The following RARB variants were observed in gnomAD, a reference collection of about 807,000 sequenced individuals.
RARB encodes HBV-activated protein.
In RARB, 17 loss-of-function variants were observed where a neutral mutation model predicts 51.9. That is an observed-to-expected ratio of 0.33 (90% CI 0.22 to 0.49). The LOEUF (loss-of-function observed/expected upper bound fraction) is 0.49. Ranked by LOEUF, RARB falls within the 20% of genes least tolerant of loss-of-function variation. The probability of loss-of-function intolerance (pLI) is 0.99; values close to 1 mark genes in which losing one functional copy is unlikely to be tolerated. For synonymous variants in RARB, 215 were observed against 195.4 expected (o/e 1.10, Z -0.84); for missense variants, 369 against 550.8 (o/e 0.67, Z 3.30).
chr3:25,267,425 G>T (rs571246748), intron 5 of RARB, among the ~76,000 whole-genome samples: 2 of 152,072 alleles, frequency 1.3e-5, no homozygotes, highest in Non-Finnish European at 2.9e-5. Flanking sequence ...TCACATTACC[G>T]CTGCCTATTC....
In RARB at chr3:25,231,452, G is replaced by A. The variant is rs145889152; in HGVS notation, c.178+56877G>A. ...AATCCTTATAGACCTTTAGCTTTATGTTCTCACAGCCAAGCAATACTCTTT... is the reference window on the plus strand; with the variant it reads ...AATCCTTATAGACCTTTAGCTTTATATTCTCACAGCCAAGCAATACTCTTT... On this transcript the variant is annotated intron_variant, in intron 5 of 11. Coordinates refer to the RARB transcript ENST00000383772. 5.7e-3 allele frequency among the ~76,000 whole-genome samples: 865 copies of A among 152,186 alleles called. 3 individuals carry two copies. Among genetic ancestry groups the A allele is most frequent in the Non-Finnish European group, 9.3e-3 (633 of 67,990 alleles).
At chr3:25,585,539 C>A (rs1701349795) in intron 5 of RARB, among the ~76,000 whole-genome samples, 1 of 152,172 alleles carries the variant, frequency 6.6e-6, no homozygotes, top group African/African-American at 2.4e-5. Context: ...GGGAACACAG[C>A]AAGGGATAAT....
At chr3:25,148,519 AG>A (rs2125340378) in intron 4 of RARB, among the ~76,000 whole-genome samples, 1 of 152,318 alleles carries the variant, frequency 6.6e-6, no homozygotes, top group South Asian at 2.1e-4. Flanking sequence ...TTTGATTTAC[AG>A]GGGCCATTTC....
intron 2 of RARB, among the ~76,000 whole-genome samples, chr3:24,983,173 T>C (rs1206596476): frequency 6.6e-6 from 1 of 152,170 alleles, no homozygotes. Flanking sequence ...GTCACACTCC[T>C]GGTGATATTG....
intron 3 of RARB, among the ~76,000 whole-genome samples, chr3:25,530,813 G>A (rs949665593): frequency 5.3e-5 from 8 of 152,136 alleles, no homozygotes; most frequent in African/African-American, 1.4e-4. Context: ...AGTGGGATGG[G>A]GGAGGCATTA....
chr3:25,192,453 A>C (rs536234115), intron 5 of RARB, among the ~76,000 whole-genome samples: 1 of 152,244 alleles, frequency 6.6e-6, no homozygotes, highest in East Asian at 1.9e-4. Flanking sequence ...AGACACTATA[A>C]GTGAACTTTT....
intron 2 of RARB, among the ~76,000 whole-genome samples, chr3:24,889,275 C>G (rs1341710345): frequency 1.3e-5 from 2 of 152,096 alleles, no homozygotes; most frequent in African/African-American, 4.8e-5. Context: ...ACTAAGTCAT[C>G]CTGGGGCAGC....
intron 2 of RARB, among the ~76,000 whole-genome samples, chr3:24,868,275 T>C (rs948062082): frequency 6.6e-6 from 1 of 152,122 alleles, no homozygotes; most frequent in Non-Finnish European, 1.5e-5. Flanking sequence ...ATTAATGTAA[T>C]ACACAACAAG....
At chr3:25,003,194 C>CAAA (rs565249387) in intron 2 of RARB, among the ~76,000 whole-genome samples, 1 of 89,512 alleles carries the variant, frequency 1.1e-5, no homozygotes, top group African/African-American at 4.1e-5. Context: ...GATCATAATG[C>CAAA]AAAAAAAAAA....
chr3:25,332,755 A>G (rs1396148035), intron 5 of RARB, among the ~76,000 whole-genome samples: 2 of 152,230 alleles, frequency 1.3e-5, no homozygotes, highest in East Asian at 1.9e-4. Context: ...TGCAGATGAC[A>G]TGATTGTATA....
At chr3:24,976,337 A>G (rs1696511712) in intron 2 of RARB, among the ~76,000 whole-genome samples, 1 of 152,206 alleles carries the variant, frequency 6.6e-6, no homozygotes, top group Non-Finnish European at 1.5e-5. Context: ...TCCTTGAGGA[A>G]TCACCACACT....
At chr3:25,494,792 C>T (rs1479528909) in intron 2 of RARB, among the ~76,000 whole-genome samples, 1 of 152,192 alleles carries the variant, frequency 6.6e-6, no homozygotes, top group Non-Finnish European at 1.5e-5. Flanking sequence ...GGACACTGTC[C>T]TATACTATTT....
chr3:25,451,018 C>T (rs988114683), intron 1 of RARB, among the ~76,000 whole-genome samples: 3 of 152,126 alleles, frequency 2.0e-5, no homozygotes, highest in South Asian at 2.1e-4. Context: ...TCCCGGGAGG[C>T]GGAGGTTGCA....
At chr3:25,175,478 A>G (rs185969369) in intron 5 of RARB, among the ~76,000 whole-genome samples, 20 of 152,312 alleles carry the variant, frequency 1.3e-4, no homozygotes, top group Admixed American at 1.0e-3. Flanking sequence ...TTAGCATGGT[A>G]TCATTGGGAT....
At chr3:25,359,373 A>G (rs182716922) in intron 5 of RARB, among the ~76,000 whole-genome samples, 28 of 147,884 alleles carry the variant, frequency 1.9e-4, no homozygotes, top group African/African-American at 6.4e-4. Flanking sequence ...TTCTCTTTTT[A>G]TTAGTCTGGT....
intron 5 of RARB, among the ~76,000 whole-genome samples, chr3:25,326,776 G>T (rs1704728320): frequency 6.6e-6 from 1 of 151,822 alleles, no homozygotes; most frequent in Admixed American, 6.6e-5. Flanking sequence ...TAGGTAGGCT[G>T]GATGACAATA....
Position 25,204,086 on chromosome 3 carries a change from C to G in RARB, c.178+29511C>G, listed in dbSNP as rs542765165. On this transcript the variant is annotated intron_variant, in intron 5 of 11. Coordinates refer to the RARB transcript ENST00000383772. ...TACACCAATCAGATGTAGATTTGGT[C>G]TTTTCACATAGTCCCATATTTCTTG... Among the ~76,000 whole-genome samples the G allele has an allele frequency of 5.3e-5, 8 of 152,322 alleles. No individual in the cohort carries two copies. The South Asian group carries it at 1.7e-3, about 32-fold the overall frequency.
chr3:25,458,097 A>T lies in RARB; in HGVS notation c.158-3096A>T, dbSNP rs140242437. ...GAAGTCAGTTTATCAACATGCATTA[A>T]AAACAAAATATTTTTAAAATAACAA... On this transcript the variant is annotated intron_variant, in intron 1 of 7. Transcript: ENST00000330688. 2.4e-3 allele frequency among the ~76,000 whole-genome samples: 364 copies of T among 152,342 alleles called. 1 individual carries two copies. Among genetic ancestry groups the T allele is most frequent in the African/African-American group, 8.2e-3 (340 of 41,560 alleles).
chr3:25,414,937 G>A (rs1707660731), intron 5 of RARB, among the ~76,000 whole-genome samples: 1 of 152,126 alleles, frequency 6.6e-6, no homozygotes, highest in Non-Finnish European at 1.5e-5. Flanking sequence ...CACCTCCTGG[G>A]TTCAAGCAAT....
Sources: allele counts gnomAD v4.1 joint callset (sites outside exome capture counted in the v4.1 genomes callset), GRCh38; gene constraint gnomAD v4.1.1; transcripts MANE v1.5; gene names NCBI Gene and HGNC (gene_info 2026-07-23, HGNC 2026-07-21).